The following RNFT2 variants were observed in gnomAD, a reference collection of about 807,000 sequenced individuals.
RNFT2 encodes E3 ubiquitin-protein ligase RNFT2.
Under a neutral mutation model 53.0 loss-of-function variants are expected in RNFT2, and 36 were observed. That is an observed-to-expected ratio of 0.68 (90% confidence interval 0.52 to 0.90). The LOEUF is 0.90. Among genes scored for constraint, RNFT2 ranks in the 40% least tolerant of loss-of-function variants. The pLI is 0.00. For missense variants in RNFT2, 514 were observed against 585.6 expected (o/e 0.88, Z 1.26); for synonymous variants, 260 against 253.2 (o/e 1.03, Z -0.26).
At position 116,849,779 on chromosome 12, in the gene RNFT2, C is replaced by CTT. The variant is rs1592996693; in HGVS notation, c.*336_*337dup. The CTT allele has an allele frequency of 9.3e-7, 1 of 1,079,544 alleles. No individual in the cohort carries two copies. The highest frequency in any genetic ancestry group is 5.2e-5 in the East Asian group (1 of 19,050). The allele number at this position is 1,079,544 out of a possible 1,614,324, so 66.9% of individuals were successfully genotyped here. On this transcript the variant is annotated 3_prime_UTR_variant, in exon 11 of 11. Transcript: ENST00000257575. Reference sequence around the variant, plus strand: ...CCCACTTGTTGGTTATTTTCTCTTTCTTTTTTCTTTTCTTTTCTTTCTCTC... The same window carrying CTT: ...CCCACTTGTTGGTTATTTTCTCTTTCTTTTTTTTCTTTTCTTTTCTTTCTCTC...
chr12:116,821,319 C>A (rs117028867), intron 7 of RNFT2, among the ~76,000 whole-genome samples: 1 of 152,050 alleles, frequency 6.6e-6, no homozygotes, highest in Admixed American at 6.6e-5. Flanking sequence ...CCTGGCCGGG[C>A]GCTGCTGTGA....
chr12:116,796,410 A>G (rs1874508780), intron 7 of RNFT2, among the ~76,000 whole-genome samples: 1 of 152,182 alleles, frequency 6.6e-6, no homozygotes, highest in Non-Finnish European at 1.5e-5. Flanking sequence ...CATATCCTGA[A>G]TCATCTTAAC....
At chr12:116,826,137 C>G (rs989725748) in intron 7 of RNFT2, among the ~76,000 whole-genome samples, 1 of 152,100 alleles carries the variant, frequency 6.6e-6, no homozygotes, top group African/African-American at 2.4e-5. Flanking sequence ...ATTCTCCTCT[C>G]TGTTCATTTC....
At chr12:116,749,679 G>C (rs552255742) in intron 3 of RNFT2, among the ~76,000 whole-genome samples, 162 bp from the exon 4 acceptor site, 1 of 152,108 alleles carries the variant, frequency 6.6e-6, no homozygotes, top group Non-Finnish European at 1.5e-5. Flanking sequence ...TCTTTAAACA[G>C]GGTCACATTC....
At chr12:116,815,843 CG>C (rs1242626391) in intron 7 of RNFT2, among the ~76,000 whole-genome samples, 5 of 151,906 alleles carry the variant, frequency 3.3e-5, no homozygotes, top group Admixed American at 3.3e-4. Flanking sequence ...GATATGACTT[CG>C]GCAAAGTCAC....
intron 7 of RNFT2, among the ~76,000 whole-genome samples, chr12:116,803,006 A>G (rs10850718): frequency 0.68 from 102,517 of 151,874 alleles, 39,573 homozygotes; most frequent in Non-Finnish European, 0.86. Context: ...GAGGTGGGAG[A>G]ATCTCTTGAG....
intron 7 of RNFT2, among the ~76,000 whole-genome samples, chr12:116,787,376 C>T (rs1395633800): frequency 2.0e-5 from 3 of 152,086 alleles, no homozygotes; most frequent in Non-Finnish European, 4.4e-5. Context: ...TGCAGAAAAT[C>T]GAGATGTTAA....
intron 5 of RNFT2, among the ~76,000 whole-genome samples, chr12:116,764,916 G>A (rs1872845920): frequency 6.6e-6 from 1 of 152,104 alleles, no homozygotes; most frequent in African/African-American, 2.4e-5. Flanking sequence ...CAAAACAGTA[G>A]GAGGCAGCTT....
chr12:116,771,877 C>G (rs914418053), intron 6 of RNFT2, among the ~76,000 whole-genome samples: 2 of 152,216 alleles, frequency 1.3e-5, no homozygotes, highest in Admixed American at 1.3e-4. Flanking sequence ...TGAAACGAGA[C>G]GCTTCCTCCA....
intron 5 of RNFT2, among the ~76,000 whole-genome samples, chr12:116,762,401 AAC>A (rs1872724194): frequency 1.6e-5 from 1 of 63,830 alleles, no homozygotes; most frequent in African/African-American, 3.5e-5. Context: ...TCCATCTCAA[AAC>A]AAAAAAAAAA....
intron 5 of RNFT2, among the ~76,000 whole-genome samples, chr12:116,754,817 A>G (rs903896982): frequency 1.3e-5 from 2 of 151,906 alleles, no homozygotes; most frequent in Admixed American, 1.3e-4. Context: ...TTCTTAGCCC[A>G]CTTTTTGATG....
Position 116,852,154 on chromosome 12 carries a change from C to A in RNFT2, c.*2706C>A. 1 of 1,094,506 alleles carries A rather than the reference C, an allele frequency of 9.1e-7. No individual in the cohort carries two copies. Among genetic ancestry groups the A allele is most frequent in the Non-Finnish European group, 1.2e-6 (1 of 809,584 alleles). 67.8% of individuals were successfully genotyped at this position (1,094,506 alleles called of 1,614,324 possible). A position where few individuals can be genotyped will look rare whatever the true frequency, so the allele number is the denominator to read the frequency against. On this transcript the variant is annotated 3_prime_UTR_variant, in exon 11 of 11. Coordinates refer to ENST00000257575, the MANE Select transcript of RNFT2 (RefSeq NM_001382266.1). ...AATCTTGCCTGCCCTATTCCTCCTC[C>A]CAAGTCTGTTCTCTTATTGTCAACC...
intron 7 of RNFT2, among the ~76,000 whole-genome samples, chr12:116,817,529 G>A (rs1054401738): frequency 3.3e-5 from 5 of 152,100 alleles, no homozygotes; most frequent in Admixed American, 1.3e-4. Flanking sequence ...TCCCTTCCAC[G>A]CCTAATTTCC....
chr12:116,752,739 G>A (rs1456994663), intron 4 of RNFT2, among the ~76,000 whole-genome samples: 1 of 152,138 alleles, frequency 6.6e-6, no homozygotes, highest in Non-Finnish European at 1.5e-5. Context: ...TTAGCCAGGT[G>A]TGGTGGCACA....
chr12:116,761,849 G>A (rs1566073327), intron 5 of RNFT2, among the ~76,000 whole-genome samples: 1 of 152,002 alleles, frequency 6.6e-6, no homozygotes, highest in Non-Finnish European at 1.5e-5. Context: ...CTCAGGTGCC[G>A]CCTCTGGAAA....
At chr12:116,783,187 T>C (rs117351358) in intron 7 of RNFT2, among the ~76,000 whole-genome samples, 2,892 of 152,326 alleles carry the variant, frequency 0.019, 48 homozygotes, top group Middle Eastern at 0.037. Flanking sequence ...GATCCCCTCA[T>C]AGACACTTGT....
intron 7 of RNFT2, 102 bp from the exon 8 acceptor site, chr12:116,833,690 T>C: frequency 8.4e-7 from 1 of 1,196,262 alleles, no homozygotes; most frequent in Admixed American, 2.1e-5. Context: ...ATGGCCTGCC[T>C]GTGACCTAGA....
chr12:116,794,393 T>G lies in RNFT2; in HGVS notation c.882+15045T>G, dbSNP rs533698309. Reference sequence around the variant, plus strand: ...CAGGCGGATCCCTTGAGGTCAGGAGTTCGAGACTAGCCTAGCCAATGTGGC... The same window carrying G: ...CAGGCGGATCCCTTGAGGTCAGGAGGTCGAGACTAGCCTAGCCAATGTGGC... On this transcript the variant is annotated intron_variant, in intron 7 of 10. Coordinates refer to ENST00000257575, the MANE Select transcript of RNFT2 (RefSeq NM_001382266.1). 1.7e-4 allele frequency among the ~76,000 whole-genome samples: 26 copies of G among 151,332 alleles called. No individual in the cohort carries two copies. In the South Asian group the frequency reaches 5.2e-3, roughly 30 times the overall value.
chr12:116,807,059 G>A (rs999227610), intron 7 of RNFT2, among the ~76,000 whole-genome samples: 5 of 152,164 alleles, frequency 3.3e-5, no homozygotes, highest in African/African-American at 1.2e-4. Flanking sequence ...TTACCGCATG[G>A]CAGGCTGGGG....
Sources: allele counts gnomAD v4.1 joint callset (sites outside exome capture counted in the v4.1 genomes callset), GRCh38; gene constraint gnomAD v4.1.1; transcripts MANE v1.5; gene names NCBI Gene and HGNC (gene_info 2026-07-23, HGNC 2026-07-21).